The following ADGRL3 variants were observed in gnomAD, a reference collection of about 807,000 sequenced individuals.
The protein encoded by ADGRL3 is adhesion G protein-coupled receptor L3.
ADGRL3 carries 62 observed loss-of-function variants against 153.5 expected under a neutral mutation model. The ratio of observed to expected loss-of-function variants is 0.40; its 90% confidence interval spans 0.33 to 0.50. The LOEUF is 0.50. ADGRL3 is among the 20% of genes least tolerant of loss of function. The pLI, the probability that ADGRL3 is intolerant of heterozygous loss-of-function variation, is 0.47. For missense variants in ADGRL3, 1,641 were observed against 1,859.4 expected, an observed-to-expected ratio of 0.88 and a Z score of 2.16; for synonymous variants, 710 against 672.5, an observed-to-expected ratio of 1.06 and a Z score of -0.86.
At chr4:61,790,210 G>T (rs552310840) in intron 8 of ADGRL3, among the ~76,000 whole-genome samples, 1 of 152,138 alleles carries the variant, frequency 6.6e-6, no homozygotes, top group East Asian at 1.9e-4. Context: ...AAACAAATAG[G>T]TTATTTTTAC....
intron 5 of ADGRL3, among the ~76,000 whole-genome samples, chr4:61,633,041 C>A (rs1438827860): frequency 6.6e-6 from 1 of 152,124 alleles, no homozygotes; most frequent in African/African-American, 2.4e-5. Flanking sequence ...CCTTGCAGAA[C>A]CCTGTGAAGA....
chr4:62,012,708 A>G (rs1326262195), intron 21 of ADGRL3, among the ~76,000 whole-genome samples: 2 of 152,178 alleles, frequency 1.3e-5, no homozygotes, highest in African/African-American at 4.8e-5. Flanking sequence ...TAATCCTGAT[A>G]TTGACTGGAT....
chr4:62,028,415 C>G (rs551741886), intron 21 of ADGRL3, among the ~76,000 whole-genome samples: 265 of 151,706 alleles, frequency 1.7e-3, no homozygotes, highest in African/African-American at 6.2e-3. Flanking sequence ...ACTTAGAAGC[C>G]TACTGTCCAT....
chr4:61,817,214 G>T lies in ADGRL3; in HGVS notation c.1480+3325G>T, dbSNP rs541595465. 2.6e-5 allele frequency among the ~76,000 whole-genome samples: 4 copies of T among 151,930 alleles called. No homozygotes were observed. In the East Asian group the frequency reaches 7.8e-4, roughly 30 times the overall value. On this transcript the variant is annotated intron_variant, in intron 9 of 26. Coordinates refer to ENST00000683033, the MANE Select transcript of ADGRL3 (RefSeq NM_001387552.1). ...ATGAATGGCATGTTGAAGGCAGGAGGCAGACAGGTTCCCGGGCTGAAAGGG... is the reference window on the plus strand; with the variant it reads ...ATGAATGGCATGTTGAAGGCAGGAGTCAGACAGGTTCCCGGGCTGAAAGGG...
chr4:62,000,212 A>G (rs2099135466), intron 21 of ADGRL3, among the ~76,000 whole-genome samples: 1 of 151,712 alleles, frequency 6.6e-6, no homozygotes, highest in Admixed American at 6.6e-5. Context: ...ACTATGTTAT[A>G]AATTAGCAAA....
At chr4:61,820,402 ATACAT>A (rs2097738371) in intron 9 of ADGRL3, among the ~76,000 whole-genome samples, 1 of 152,190 alleles carries the variant, frequency 6.6e-6, no homozygotes, top group African/African-American at 2.4e-5. Flanking sequence ...TAAAATCACA[ATACAT>A]TACAAGGTAA....
intron 1 of ADGRL3, among the ~76,000 whole-genome samples, chr4:61,264,640 T>G (rs990740081): frequency 6.6e-6 from 1 of 151,966 alleles, no homozygotes; most frequent in African/African-American, 2.4e-5. Context: ...TTTATAATGG[T>G]AAATACTGTG....
intron 5 of ADGRL3, among the ~76,000 whole-genome samples, chr4:61,642,423 C>A (rs2093725571): frequency 6.6e-5 from 10 of 152,182 alleles, no homozygotes; most frequent in Middle Eastern, 3.4e-3. Flanking sequence ...GGTTTTAGGT[C>A]CAAGGTTTAA....
chr4:61,399,850 A>G (rs1236202535), intron 2 of ADGRL3, among the ~76,000 whole-genome samples: 1 of 151,696 alleles, frequency 6.6e-6, no homozygotes, highest in Non-Finnish European at 1.5e-5. Context: ...ATTTGCTCTT[A>G]TAGATGTTAA....
chr4:61,738,371 G>A (rs1310664597), intron 8 of ADGRL3, among the ~76,000 whole-genome samples: 4 of 152,098 alleles, frequency 2.6e-5, no homozygotes, highest in African/African-American at 9.7e-5. Flanking sequence ...GAATTGTGCT[G>A]CTGTAAACAT....
At chr4:61,711,718 G>T (rs1252462470) in intron 6 of ADGRL3, among the ~76,000 whole-genome samples, 1 of 151,610 alleles carries the variant, frequency 6.6e-6, no homozygotes, top group East Asian at 1.9e-4. Flanking sequence ...AAAACAACTG[G>T]TTTGGTTACA....
At chr4:61,635,674 G>C (rs1487530442) in intron 5 of ADGRL3, among the ~76,000 whole-genome samples, 1 of 152,064 alleles carries the variant, frequency 6.6e-6, no homozygotes, top group African/African-American at 2.4e-5. Context: ...GAGTTTCCTA[G>C]GGCTGCCATA....
At chr4:61,375,587 A>G (rs2096593946) in intron 1 of ADGRL3, among the ~76,000 whole-genome samples, 1 of 152,162 alleles carries the variant, frequency 6.6e-6, no homozygotes, top group African/African-American at 2.4e-5. Context: ...AGATGGAGCA[A>G]TGGTAGAGTG....
intron 21 of ADGRL3, among the ~76,000 whole-genome samples, chr4:62,023,409 A>G (rs1051876978): frequency 4.6e-5 from 7 of 152,184 alleles, no homozygotes; most frequent in Non-Finnish European, 1.0e-4. Context: ...GATTTAGAAT[A>G]TTACATATTT....
intron 23 of ADGRL3, 54 bp from the exon 24 acceptor site, chr4:62,037,677 G>T: frequency 6.2e-7 from 1 of 1,600,804 alleles, no homozygotes; most frequent in Non-Finnish European, 8.6e-7. Flanking sequence ...GTCTACTTTT[G>T]TTCCTACCTG....
At chr4:61,529,248 T>C (rs936856677) in intron 4 of ADGRL3, among the ~76,000 whole-genome samples, 7 of 152,192 alleles carry the variant, frequency 4.6e-5, no homozygotes, top group African/African-American at 1.7e-4. Flanking sequence ...GTTCTGGATA[T>C]GTTTCCCAAG....
At chr4:61,422,012 A>G (rs1032061164) in intron 2 of ADGRL3, among the ~76,000 whole-genome samples, 5 of 152,174 alleles carry the variant, frequency 3.3e-5, no homozygotes, top group African/African-American at 1.2e-4. Flanking sequence ...AGTTGTGTGA[A>G]CCGTTTTGTA....
chr4:61,636,044 C>G (rs1254589449), intron 5 of ADGRL3, among the ~76,000 whole-genome samples: 1 of 152,072 alleles, frequency 6.6e-6, no homozygotes, highest in Non-Finnish European at 1.5e-5. Flanking sequence ...AGAGTTAGGA[C>G]TTCAACATAT....
chr4:61,679,066 G>C (rs1276273855), intron 6 of ADGRL3, among the ~76,000 whole-genome samples: 9 of 152,000 alleles, frequency 5.9e-5, no homozygotes, highest in Admixed American at 5.3e-4. Context: ...TAAGAAAAGA[G>C]GTTTATTTGG....
Sources: gnomAD v4.1 joint callset for allele counts (sites outside exome capture counted in the v4.1 genomes callset) on GRCh38, gnomAD v4.1.1 for gene constraint, MANE v1.5 for transcripts, NCBI Gene and HGNC (gene_info 2026-07-23, HGNC 2026-07-21) for gene names.